EDIL3: variants seen among roughly 807,000 people sequenced by gnomAD.
EDIL3 encodes EGF-like repeat and discoidin I-like domain-containing protein 3.
In EDIL3, 37 loss-of-function variants were observed where a neutral mutation model predicts 67.4. The observed-to-expected ratio is 0.55, with a 90% CI of 0.42 to 0.72. The LOEUF (loss-of-function observed/expected upper bound fraction) is 0.72. Among genes scored for constraint, EDIL3 ranks in the 30% least tolerant of loss-of-function variants. EDIL3 has a pLI of 0.00. For synonymous variants in EDIL3, 195 were observed against 196.3 expected (o/e 0.99, Z 0.05); for missense variants, 527 against 586.3 (o/e 0.90, Z 1.04).
At chr5:84,204,230 C>A (rs1580375335) in intron 3 of EDIL3, among the ~76,000 whole-genome samples, 1 of 152,008 alleles carries the variant, frequency 6.6e-6, no homozygotes, top group Non-Finnish European at 1.5e-5. Context: ...TTTATATAAC[C>A]CTGTTAGTCA....
chr5:84,174,540 C>T (rs560146976), intron 4 of EDIL3, among the ~76,000 whole-genome samples: 29 of 152,242 alleles, frequency 1.9e-4, no homozygotes, highest in Non-Finnish European at 3.2e-4. Flanking sequence ...GAGGCTGCAG[C>T]CCCCACCTTG....
intron 1 of EDIL3, among the ~76,000 whole-genome samples, chr5:84,295,137 C>G (rs1416727709): frequency 6.6e-6 from 1 of 151,936 alleles, no homozygotes; most frequent in Admixed American, 6.6e-5. Context: ...AATTTTAGTA[C>G]TTTTTTCTAT....
chr5:84,107,948 C>T (rs527714164), intron 5 of EDIL3, among the ~76,000 whole-genome samples: 19 of 150,570 alleles, frequency 1.3e-4, no homozygotes, highest in East Asian at 3.9e-4. Context: ...ATAATATATA[C>T]GATAATTGTA....
chr5:84,226,844 C>A (rs1158305678), intron 3 of EDIL3, among the ~76,000 whole-genome samples: 2 of 151,844 alleles, frequency 1.3e-5, no homozygotes, highest in Non-Finnish European at 2.9e-5. Context: ...GCACATCACT[C>A]TGGAGGAAGA....
At chr5:84,016,450 A>G (rs1745608746) in intron 9 of EDIL3, among the ~76,000 whole-genome samples, 1 of 152,132 alleles carries the variant, frequency 6.6e-6, no homozygotes, top group Non-Finnish European at 1.5e-5. Context: ...TGTTTTGTAT[A>G]TGCTGTAATT....
intron 9 of EDIL3, among the ~76,000 whole-genome samples, chr5:84,054,102 T>G (rs1278657145): frequency 6.6e-6 from 1 of 152,188 alleles, no homozygotes; most frequent in Non-Finnish European, 1.5e-5. Context: ...TCAAAAACCT[T>G]ATCCACCATG....
At chr5:84,356,889 C>CTTTTTTTTTTTTTT (rs1189590387) in intron 1 of EDIL3, among the ~76,000 whole-genome samples, 1 of 32,096 alleles carries the variant, frequency 3.1e-5, no homozygotes, top group East Asian at 7.4e-4. Context: ...ATCTTTCTTT[C>CTTTTTTTTTTTTTT]TTTTTTTTTT....
intron 3 of EDIL3, among the ~76,000 whole-genome samples, chr5:84,209,732 C>T (rs113638331): frequency 1.4e-4 from 22 of 152,162 alleles, no homozygotes; most frequent in Admixed American, 3.3e-4. Flanking sequence ...GTTGGCAGTG[C>T]GGTAACACTG....
intron 3 of EDIL3, among the ~76,000 whole-genome samples, chr5:84,190,476 T>A (rs960369514): frequency 6.6e-6 from 1 of 151,652 alleles, no homozygotes; most frequent in Admixed American, 6.6e-5. Flanking sequence ...TTTGTTTCAT[T>A]TTCTACATAT....
At chr5:84,324,184 T>C (rs949904933) in intron 1 of EDIL3, among the ~76,000 whole-genome samples, 1 of 151,806 alleles carries the variant, frequency 6.6e-6, no homozygotes, top group African/African-American at 2.4e-5. Flanking sequence ...CAAGCCTCAA[T>C]AGATTAACAA....
intron 1 of EDIL3, among the ~76,000 whole-genome samples, chr5:84,376,953 T>A (rs1747979853): frequency 6.6e-6 from 1 of 152,202 alleles, no homozygotes. Flanking sequence ...GAAGTTAAAC[T>A]ATAGAAAGAT....
chr5:84,248,868 A>G (rs1744964641), intron 2 of EDIL3, among the ~76,000 whole-genome samples: 1 of 152,160 alleles, frequency 6.6e-6, no homozygotes, highest in African/African-American at 2.4e-5. Flanking sequence ...TACCACATTG[A>G]CAGAAGCCAA....
At chr5:83,998,425 A>G (rs1471520341) in intron 9 of EDIL3, among the ~76,000 whole-genome samples, 1 of 152,162 alleles carries the variant, frequency 6.6e-6, no homozygotes. Flanking sequence ...TCTAGAATAA[A>G]TATCAGCAGG....
At chr5:83,944,711 T>C (rs1014597170) in intron 10 of EDIL3, among the ~76,000 whole-genome samples, 2 of 152,016 alleles carry the variant, frequency 1.3e-5, no homozygotes, top group African/African-American at 4.8e-5. Context: ...TTAGATTTAG[T>C]TTAAATTTTT....
intron 9 of EDIL3, among the ~76,000 whole-genome samples, chr5:84,042,955 C>G (rs1172202548): frequency 1.3e-5 from 2 of 152,060 alleles, no homozygotes; most frequent in African/African-American, 4.8e-5. Context: ...TACTTATTAA[C>G]ATAGAGAAAT....
At chr5:84,292,130 T>A (rs1214680947) in intron 1 of EDIL3, among the ~76,000 whole-genome samples, 3 of 152,114 alleles carry the variant, frequency 2.0e-5, no homozygotes, top group Admixed American at 6.6e-5. Context: ...AGTAAATTTC[T>A]GTTTTTTTGT....
intron 6 of EDIL3, among the ~76,000 whole-genome samples, chr5:84,100,461 A>G (rs927685388): frequency 2.0e-5 from 3 of 152,112 alleles, no homozygotes; most frequent in Non-Finnish European, 2.9e-5. Context: ...ACTCTTAGCA[A>G]ACTAACACAG....
intron 9 of EDIL3, among the ~76,000 whole-genome samples, chr5:84,036,223 G>A (rs1746019894): frequency 2.6e-5 from 4 of 152,138 alleles, no homozygotes; most frequent in African/African-American, 4.8e-5. Flanking sequence ...TGGCATGTCC[G>A]GTTCTTGGGG....
At chr5:84,201,794 A>G (rs1743843738) in intron 3 of EDIL3, among the ~76,000 whole-genome samples, 1 of 152,162 alleles carries the variant, frequency 6.6e-6, no homozygotes, top group African/African-American at 2.4e-5. Flanking sequence ...ATTGCCAACT[A>G]TATTTTGAAA....
Sources: allele counts gnomAD v4.1 joint callset (sites outside exome capture counted in the v4.1 genomes callset), GRCh38; gene constraint gnomAD v4.1.1; transcripts MANE v1.5; gene names NCBI Gene and HGNC (gene_info 2026-07-23, HGNC 2026-07-21).